FMO2: variants seen among roughly 807,000 people sequenced by gnomAD.
FMO2 encodes the protein flavin-containing monooxygenase 2.
Under a neutral mutation model 41.6 loss-of-function variants are expected in FMO2, and 33 were observed. That is an observed-to-expected ratio of 0.79 (90% CI 0.60 to 1.06). FMO2 has a LOEUF of 1.06. FMO2 is among the 50% of genes least tolerant of loss of function. The pLI, the probability that FMO2 is intolerant of heterozygous loss-of-function variation, is 0.00. For synonymous variants in FMO2, 214 were observed against 219.6 expected, an observed-to-expected ratio of 0.97 and a Z score of 0.23; for missense variants, 619 against 632.9, an observed-to-expected ratio of 0.98 and a Z score of 0.23.
At chr1:171,206,271 G>A (rs1025260500) in intron 7 of FMO2, among the ~76,000 whole-genome samples, 2 of 152,118 alleles carry the variant, frequency 1.3e-5, no homozygotes, top group Non-Finnish European at 2.9e-5. Flanking sequence ...GGAGTGTTCA[G>A]GGAAGGAGAG....
chr1:171,193,206 C>A (rs936129427), intron 2 of FMO2, 129 bp from the exon 3 acceptor site: 27 of 634,862 alleles, frequency 4.3e-5, no homozygotes, highest in Non-Finnish European at 7.1e-5. Flanking sequence ...CATTCATTAC[C>A]TAAACATTGT....
At position 171,209,808 on chromosome 1, in the gene FMO2, A is replaced by G. The variant is rs947236258; in HGVS notation, c.*663A>G. 2.6e-5 allele frequency: 4 copies of G among 152,202 alleles called. No individual in the cohort carries two copies. Among genetic ancestry groups the G allele is most frequent in the Non-Finnish European group, 5.9e-5 (4 of 68,028 alleles). The allele number at this position is 152,202 out of a possible 1,614,324, so 9.4% of individuals were successfully genotyped here. On this transcript the variant is annotated 3_prime_UTR_variant, in exon 9 of 9. Transcript: ENST00000209929. Reference sequence around the variant, plus strand: ...CATAATAGCTACCTAACAAATATATATGTTTAATGTTTATCATAGGCCAGA... The same window carrying G: ...CATAATAGCTACCTAACAAATATATGTGTTTAATGTTTATCATAGGCCAGA...
At chr1:171,189,511 G>A (rs1657987157) in intron 2 of FMO2, among the ~76,000 whole-genome samples, 1 of 152,118 alleles carries the variant, frequency 6.6e-6, no homozygotes, top group African/African-American at 2.4e-5. Context: ...AGTGATCAAG[G>A]CCAGTGATCA....
Position 171,205,522 on chromosome 1 carries a change from C to A in FMO2, c.1071C>A (p.Phe357Leu), listed in dbSNP as rs779112298. Residue 357 changes from phenylalanine to leucine, a missense_variant, in exon 7 of 9, where the codon TTC becomes TTA. By Grantham distance (22) the Phe-to-Leu change is conservative. Coordinates refer to ENST00000209929, the MANE Select transcript of FMO2 (RefSeq NM_001460.5). ...NNMVSLYKYIFPAHLDKSTLA... is the reference protein window; with the variant it reads ...NNMVSLYKYILPAHLDKSTLA... ...TGGTCTCACTGTATAAATACATATT[C>A]CCCGCTCACCTGGACAAGTCAACCC... is the stretch of plus-strand genomic sequence containing the variant. 1 of 1,613,674 alleles carries A rather than the reference C, an allele frequency of 6.2e-7. No homozygotes were observed. Among genetic ancestry groups the A allele is most frequent in the Non-Finnish European group, 8.5e-7 (1 of 1,179,836 alleles).
chr1:171,201,913 T>C (rs765628300), intron 5 of FMO2, among the ~76,000 whole-genome samples: 3 of 152,252 alleles, frequency 2.0e-5, no homozygotes, highest in Non-Finnish European at 4.4e-5. Context: ...ACCTCCCCCA[T>C]GACTGAATTA....
Position 171,210,066 on chromosome 1 carries a change from T to G in FMO2, c.*921T>G, listed in dbSNP as rs753189867. The G allele has an allele frequency of 5.3e-5, 8 of 152,186 alleles. No homozygotes were observed. Among genetic ancestry groups the G allele is most frequent in the Non-Finnish European group, 1.0e-4 (7 of 68,018 alleles). The allele number at this position is 152,186 out of a possible 1,614,324, so 9.4% of individuals were successfully genotyped here. A position where few individuals can be genotyped will look rare whatever the true frequency, so the allele number is the denominator to read the frequency against. On this transcript the variant is annotated 3_prime_UTR_variant, in exon 9 of 9. Transcript: ENST00000209929. ...AAAACACTTCATTATTTATAAAGAA[T>G]TTACTAACAGTTTATCTTATTTATA...
chr1:171,198,878 C>T (rs897299928), intron 4 of FMO2, among the ~76,000 whole-genome samples: 3 of 151,856 alleles, frequency 2.0e-5, no homozygotes, highest in Admixed American at 6.6e-5. Context: ...AAATCAACCC[C>T]TTTGGTCCTG....
chr1:171,203,008 G>T (rs7527478), intron 5 of FMO2, among the ~76,000 whole-genome samples: 30,521 of 151,908 alleles, frequency 0.2, 3,289 homozygotes, highest in African/African-American at 0.28. Flanking sequence ...ATGTGCACTT[G>T]AAGAGAAAGA....
In FMO2 at chr1:171,208,863, G is replaced by C. The variant is rs146648474; in HGVS notation, c.1326G>C (p.Glu442Asp). The change falls in exon 9 of 9, where the codon GAG becomes GAC. Residue 442 changes from glutamate (E) to aspartate (D), a missense_variant. By Grantham distance (45) the Glu-to-Asp change is conservative. Coordinates refer to ENST00000209929, the MANE Select transcript of FMO2 (RefSeq NM_001460.5). ...YVDYLDELALEIGAKPDFCSL... is the reference protein window; with the variant it reads ...YVDYLDELALDIGAKPDFCSL... ...ACTACTTGGACGAGCTCGCCTTAGA[G>C]ATAGGTGCGAAGCCAGATTTCTGCT... The C allele has an allele frequency of 7.6e-4, 1,219 of 1,614,024 alleles. 3 individuals carry two copies. Among genetic ancestry groups the C allele is most frequent in the Admixed American group, 2.0e-3 (120 of 60,022 alleles).
chr1:171,199,025 C>G (rs1658415488), intron 4 of FMO2, among the ~76,000 whole-genome samples: 1 of 152,112 alleles, frequency 6.6e-6, no homozygotes, highest in Non-Finnish European at 1.5e-5. Flanking sequence ...ACCTCAGTCA[C>G]CCGAGTAGCT....
In FMO2 at chr1:171,195,612, C is replaced by T. The variant is rs189293584; in HGVS notation, c.322-1037C>T. On this transcript the variant is annotated intron_variant, in intron 3 of 8. Transcript: ENST00000209929. ...TGAGACAGCTTAAAAATTACCAACC[C>T]AGCAGTTGGAAAAATATCTGAAAAT... Among the ~76,000 whole-genome samples, 686 of 152,222 alleles carry T rather than the reference C, an allele frequency of 4.5e-3. 3 individuals carry two copies. The highest frequency in any genetic ancestry group is 6.9e-3 in the Non-Finnish European group (472 of 68,020).
At chr1:171,207,566 T>C (rs1159833188) in intron 7 of FMO2, 152 bp from the exon 8 acceptor site, 1 of 634,852 alleles carries the variant, frequency 1.6e-6, no homozygotes, top group Non-Finnish European at 2.9e-6. Flanking sequence ...TAGAGTGCTA[T>C]GGGGGTGGCA....
At chr1:171,189,228 G>A (rs1265901981) in intron 2 of FMO2, among the ~76,000 whole-genome samples, 1 of 151,788 alleles carries the variant, frequency 6.6e-6, no homozygotes, top group African/African-American at 2.4e-5. Flanking sequence ...TTTCCTGTGG[G>A]TTTTCTTTTA....
At chr1:171,204,882 T>C (rs1354078546) in intron 6 of FMO2, among the ~76,000 whole-genome samples, 1 of 152,200 alleles carries the variant, frequency 6.6e-6, no homozygotes, top group African/African-American at 2.4e-5. Context: ...GCAAATTTTT[T>C]CTTATGATCA....
At chr1:171,187,627 CAAAAAAAAAAA>C (rs765479366) in intron 2 of FMO2, among the ~76,000 whole-genome samples, 10 of 82,618 alleles carry the variant, frequency 1.2e-4, no homozygotes, top group South Asian at 4.0e-4. Flanking sequence ...AACCTGCCAC[CAAAAAAAAAAA>C]AAAAAAAAAA....
intron 2 of FMO2, among the ~76,000 whole-genome samples, chr1:171,186,554 TA>T (rs1410377480): frequency 2.6e-5 from 4 of 152,096 alleles, no homozygotes; most frequent in African/African-American, 9.7e-5. Context: ...AAGCCCCTTA[TA>T]AAACCATCAG....
chr1:171,201,182 T>C (rs934698187), intron 5 of FMO2, among the ~76,000 whole-genome samples: 5 of 152,098 alleles, frequency 3.3e-5, no homozygotes, highest in African/African-American at 1.2e-4. Context: ...TCTATCAGTG[T>C]AAATGCCACT....
At chr1:171,208,598 C>A (rs553191243) in intron 8 of FMO2, among the ~76,000 whole-genome samples, 196 bp from the exon 9 acceptor site, 22 of 152,308 alleles carry the variant, frequency 1.4e-4, no homozygotes, top group African/African-American at 5.3e-4. Context: ...ATTCATGGCT[C>A]TTTATTTGAG....
At chr1:171,206,120 C>A (rs1377825612) in intron 7 of FMO2, among the ~76,000 whole-genome samples, 2 of 152,162 alleles carry the variant, frequency 1.3e-5, no homozygotes, top group Non-Finnish European at 2.9e-5. Flanking sequence ...AACGGTGTTA[C>A]CTCCCTGCCT....
Sources: allele counts gnomAD v4.1 joint callset (sites outside exome capture counted in the v4.1 genomes callset), GRCh38; gene constraint gnomAD v4.1.1; transcripts MANE v1.5; gene names NCBI Gene and HGNC (gene_info 2026-07-23, HGNC 2026-07-21).